Variants in ASB11 observed in about 807,000 individuals in gnomAD.
ASB11 encodes ankyrin repeat and SOCS box containing 11.
In ASB11, 17 loss-of-function variants were observed where a neutral mutation model predicts 20.1. The observed-to-expected ratio is 0.85, with a 90% confidence interval of 0.58 to 1.27. The LOEUF is 1.27. Among genes scored for constraint, ASB11 ranks in the 50% most tolerant of loss-of-function variants. The pLI is 0.00. For missense variants in ASB11, 259 were observed against 256.9 expected (o/e 1.01, Z -0.06); for synonymous variants, 107 against 105.6 (o/e 1.01, Z -0.08).
intron 6 of ASB11, among the ~76,000 whole-genome samples, chrX:15,284,067 A>G (rs1249098164): frequency 9.3e-6 from 1 of 107,208 alleles, no homozygotes; most frequent in Non-Finnish European, 1.9e-5. Context: ...CCTGGCTAAC[A>G]CGGTGAAACC....
At chrX:15,299,277 C>G (rs747653266) in intron 2 of ASB11, among the ~76,000 whole-genome samples, 1 of 112,036 alleles carries the variant, frequency 8.9e-6, no homozygotes, top group East Asian at 2.8e-4. Flanking sequence ...TAGTTTTATA[C>G]ATTTTAGGGA....
intron 6 of ASB11, among the ~76,000 whole-genome samples, chrX:15,284,251 C>CAA (rs60542067): frequency 0.028 from 2,051 of 72,202 alleles, 94 homozygotes; most frequent in African/African-American, 0.088. Flanking sequence ...GACTCCGCCT[C>CAA]AAAAAAAAAA....
chrX:15,283,112 C>A lies in ASB11; in HGVS notation c.*393G>T. On this transcript the variant is annotated 3_prime_UTR_variant, in exon 7 of 7. Coordinates refer to ENST00000480796, the MANE Select transcript of ASB11 (RefSeq NM_080873.3). ...CTGAAGGAAGGAACTAAATCAAGAA[C>A]ATATCTTGGAATACCTAACATTTGT... 1 of 115,538 alleles carries A rather than the reference C, an allele frequency of 8.7e-6. No homozygotes were observed. The highest frequency in any genetic ancestry group is 8.9e-5 in the Admixed American group (1 of 11,174). 9.5% of individuals were successfully genotyped at this position (115,538 alleles called of 1,213,427 possible).
intron 3 of ASB11, among the ~76,000 whole-genome samples, chrX:15,296,052 G>A (rs750759835): frequency 3.4e-4 from 38 of 112,010 alleles, no homozygotes; most frequent in African/African-American, 1.1e-3. Flanking sequence ...AACCAGCATC[G>A]CTGGTTTCAC....
intron 6 of ASB11, among the ~76,000 whole-genome samples, chrX:15,285,290 G>A (rs939265407): frequency 6.4e-5 from 7 of 109,379 alleles, no homozygotes; most frequent in Non-Finnish European, 1.3e-4. Flanking sequence ...ACAGGCGGGT[G>A]CCACCAAACC....
intron 4 of ASB11, chrX:15,291,829 G>T (rs1390999095): frequency 1.8e-5 from 2 of 110,389 alleles, no homozygotes; most frequent in African/African-American, 6.6e-5. Context: ...CTGAGGTCGA[G>T]TTCGAGACCA....
intron 2 of ASB11, among the ~76,000 whole-genome samples, chrX:15,298,814 C>T (rs1455556441): frequency 8.9e-6 from 1 of 111,980 alleles, no homozygotes; most frequent in Middle Eastern, 4.6e-3. Flanking sequence ...AGACTGTGCT[C>T]CTAGGATTCA....
intron 1 of ASB11, among the ~76,000 whole-genome samples, chrX:15,308,829 G>A (rs1921326979): frequency 9.0e-6 from 1 of 111,378 alleles, no homozygotes; most frequent in Non-Finnish European, 1.9e-5. Flanking sequence ...ATAAATCAGG[G>A]GTCCCTAACC....
intron 3 of ASB11, among the ~76,000 whole-genome samples, chrX:15,294,767 G>T (rs564346398): frequency 1.8e-5 from 2 of 112,240 alleles, no homozygotes; most frequent in Middle Eastern, 4.6e-3. Context: ...ATTGCTAGGG[G>T]TTTCTATATT....
At chrX:15,310,130 C>A (rs772872848) in intron 1 of ASB11, among the ~76,000 whole-genome samples, 4 of 110,217 alleles carry the variant, frequency 3.6e-5, no homozygotes, top group Non-Finnish European at 7.6e-5. Context: ...GAAACTGCCA[C>A]AGTGGGGTCT....
At chrX:15,290,767 G>A (rs1005027475) in intron 4 of ASB11, among the ~76,000 whole-genome samples, 22 of 112,086 alleles carry the variant, frequency 2.0e-4, no homozygotes, top group African/African-American at 7.1e-4. Context: ...AGACCTACCT[G>A]ATTTATCACA....
Position 15,293,374 on chromosome X carries a change from T to G in ASB11, c.370-54A>C, listed in dbSNP as rs895623184. ...GATTTGTTATTTCATTCTCACCATC[T>G]CCAAGTATGTCTTCCTATGTATTTG... is the stretch of plus-strand genomic sequence containing the variant. On this transcript the variant is annotated intron_variant, in intron 3 of 6. Coordinates refer to ENST00000480796, the MANE Select transcript of ASB11 (RefSeq NM_080873.3). 4.4e-6 allele frequency: 5 copies of G among 1,137,759 alleles called. No individual in the cohort carries two copies. In the African/African-American group the frequency reaches 9.0e-5, roughly 20 times the overall value. 93.8% of individuals were successfully genotyped at this position (1,137,759 alleles called of 1,213,427 possible). A position where few individuals can be genotyped will look rare whatever the true frequency, so the allele number is the denominator to read the frequency against.
rs375923007 is a variant in ASB11, at chrX:15,283,676, G to A, written c.848-47C>T. 11 of 1,174,909 alleles carry A rather than the reference G, an allele frequency of 9.4e-6. No individual in the cohort carries two copies. The African/African-American group carries it at 2.0e-4, about 21-fold the overall frequency. On this transcript the variant is annotated intron_variant, in intron 6 of 6. Coordinates refer to ENST00000480796, the MANE Select transcript of ASB11 (RefSeq NM_080873.3). ...TGTTAACTTCATAGTGGTGGGAGGT[G>A]GGGTGGAAGGGGGAAATCAGAGAAC...
chrX:15,288,152 A>G, intron 5 of ASB11, 80 bp from the exon 6 acceptor site: 1 of 1,002,780 alleles, frequency 1.0e-6, no homozygotes, highest in Non-Finnish European at 1.3e-6. Context: ...CATTGCATAT[A>G]AAGACATTTT....
At chrX:15,295,068 G>C (rs1194769410) in intron 3 of ASB11, among the ~76,000 whole-genome samples, 2 of 111,403 alleles carry the variant, frequency 1.8e-5, no homozygotes, top group African/African-American at 6.5e-5. Context: ...TTTTTAGATG[G>C]AGTCTTGCTC....
chrX:15,299,286 G>A (rs1921001433), intron 2 of ASB11, among the ~76,000 whole-genome samples: 1 of 111,998 alleles, frequency 8.9e-6, no homozygotes, highest in African/African-American at 3.2e-5. Context: ...ACATTTTAGG[G>A]AAACATGAGA....
intron 1 of ASB11, chrX:15,314,353 A>G: frequency 9.2e-7 from 1 of 1,090,406 alleles, no homozygotes; most frequent in Admixed American, 3.1e-5. Context: ...TTTTGTAACT[A>G]GTCAAAGTAA....
intron 1 of ASB11, among the ~76,000 whole-genome samples, chrX:15,304,393 G>A (rs184287988): frequency 8.9e-6 from 1 of 112,397 alleles, no homozygotes; most frequent in East Asian, 2.8e-4. Flanking sequence ...TGATATTGGA[G>A]CAATTAGCAT....
intron 6 of ASB11, among the ~76,000 whole-genome samples, chrX:15,285,127 G>C (rs1927341357): frequency 9.6e-6 from 1 of 104,187 alleles, no homozygotes; most frequent in African/African-American, 3.5e-5. Flanking sequence ...GATGTAGTTG[G>C]TATTTAATCT....
Sources: allele counts gnomAD v4.1 joint callset (sites outside exome capture counted in the v4.1 genomes callset), GRCh38; gene constraint gnomAD v4.1.1; transcripts MANE v1.5; gene names NCBI Gene and HGNC (gene_info 2026-07-23, HGNC 2026-07-21).